Variants in CBLN2 observed in about 807,000 individuals in gnomAD.
CBLN2 encodes the protein cerebellin 2 precursor, also known as cerebellin-2.
Under a neutral mutation model 15.0 loss-of-function variants are expected in CBLN2, and 7 were observed. That is an observed-to-expected ratio of 0.47 (90% CI 0.27 to 0.88). The LOEUF (loss-of-function observed/expected upper bound fraction) is 0.88, where lower values mean the gene tolerates loss of function less well. Ranked by LOEUF, CBLN2 falls within the 40% of genes least tolerant of loss-of-function variation. The probability of loss-of-function intolerance (pLI) is 0.14; values close to 1 mark genes in which losing one functional copy is unlikely to be tolerated. For synonymous variants in CBLN2, 149 were observed against 135.2 expected, an observed-to-expected ratio of 1.10 and a Z score of -0.71; for missense variants, 242 against 304.5, an observed-to-expected ratio of 0.79 and a Z score of 1.53.
At chr18:72,553,058 T>C (rs1196934822) in intron 1 of CBLN2, among the ~76,000 whole-genome samples, 1 of 152,274 alleles carries the variant, frequency 6.6e-6, no homozygotes, top group Non-Finnish European at 1.5e-5. Flanking sequence ...TATGTGCATA[T>C]GTGAACTTTG....
At chr18:72,618,714 C>T in intron 1 of CBLN2, 2 of 723,086 alleles carry the variant, frequency 2.8e-6, no homozygotes, top group South Asian at 2.7e-5. Flanking sequence ...GCTTTGCCTT[C>T]ATAATCTTTG....
chr18:72,616,629 T>C (rs1270629530), intron 1 of CBLN2, among the ~76,000 whole-genome samples: 1 of 152,218 alleles, frequency 6.6e-6, no homozygotes, highest in African/African-American at 2.4e-5. Context: ...TGTGTGAGCA[T>C]GTGGCAATCT....
intron 1 of CBLN2, among the ~76,000 whole-genome samples, chr18:72,629,436 A>G (rs189493321): frequency 6.6e-6 from 1 of 152,200 alleles, no homozygotes; most frequent in Admixed American, 6.5e-5. Context: ...AAAACAAAGA[A>G]GATGAAAAAA....
chr18:72,599,239 G>T (rs1267506666), intron 1 of CBLN2, among the ~76,000 whole-genome samples: 1 of 152,082 alleles, frequency 6.6e-6, no homozygotes, highest in Non-Finnish European at 1.5e-5. Flanking sequence ...AATTTTTAAT[G>T]AAGTACATTC....
intron 1 of CBLN2, among the ~76,000 whole-genome samples, chr18:72,586,357 A>G (rs938037565): frequency 4.6e-5 from 7 of 152,202 alleles, no homozygotes; most frequent in Admixed American, 1.3e-4. Context: ...GGTGGAATAT[A>G]TAAGTTCTAT....
At chr18:72,538,536 C>A (rs1276316176) in intron 4 of CBLN2, 117 bp downstream of exon 4, 10 of 1,479,292 alleles carry the variant, frequency 6.8e-6, no homozygotes, top group Non-Finnish European at 9.3e-6. Context: ...AGCCACATCA[C>A]CCCCTGGACA....
At chr18:72,610,662 C>T (rs1436029610) in intron 1 of CBLN2, among the ~76,000 whole-genome samples, 1 of 152,274 alleles carries the variant, frequency 6.6e-6, no homozygotes, top group East Asian at 1.9e-4. Flanking sequence ...AGGAGCATCC[C>T]TCCTTTATAG....
At chr18:72,586,085 C>G (rs72634451) in intron 1 of CBLN2, among the ~76,000 whole-genome samples, 4 of 152,048 alleles carry the variant, frequency 2.6e-5, no homozygotes, top group Admixed American at 2.6e-4. Flanking sequence ...CCTGGGAGGG[C>G]GGGGCTCCCA....
intron 1 of CBLN2, among the ~76,000 whole-genome samples, chr18:72,590,734 G>A (rs974623538): frequency 1.3e-5 from 2 of 152,148 alleles, no homozygotes; most frequent in Non-Finnish European, 2.9e-5. Flanking sequence ...CCTATAGTGT[G>A]ATAATAAAAC....
At chr18:72,566,423 A>T (rs2069295492) in intron 1 of CBLN2, among the ~76,000 whole-genome samples, 1 of 152,222 alleles carries the variant, frequency 6.6e-6, no homozygotes, top group South Asian at 2.1e-4. Flanking sequence ...TTAAGTGTCC[A>T]TCAACAGATA....
chr18:72,618,798 G>C, intron 1 of CBLN2: 1 of 738,076 alleles, frequency 1.4e-6, no homozygotes, highest in South Asian at 1.3e-5. Context: ...GTAAAGTTAG[G>C]AAAGCCCTGT....
intron 1 of CBLN2, among the ~76,000 whole-genome samples, chr18:72,569,181 A>AC (rs1335617664): frequency 5.3e-5 from 8 of 152,192 alleles, no homozygotes; most frequent in Non-Finnish European, 1.0e-4. Context: ...CACTAGTGAT[A>AC]CCATTGACAT....
At chr18:72,623,047 A>C (rs1456303917) in intron 1 of CBLN2, among the ~76,000 whole-genome samples, 2 of 152,160 alleles carry the variant, frequency 1.3e-5, no homozygotes, top group Non-Finnish European at 2.9e-5. Flanking sequence ...GGAAACTTAC[A>C]GTCATGATCA....
chr18:72,614,547 T>A lies in CBLN2; in HGVS notation c.15+23778A>T, dbSNP rs535763745. ...TCCATTGGATTTGGTGGTTTGAGAA[T>A]TGCAGGTGTGATTTAAAAGTGCCAG... On this transcript the variant is annotated intron_variant, in intron 1 of 2. Transcript: ENST00000581073. Among the ~76,000 whole-genome samples, 11 of 152,298 alleles carry A rather than the reference T, an allele frequency of 7.2e-5. No individual in the cohort carries two copies. The South Asian group carries it at 1.2e-3, about 17-fold the overall frequency.
chr18:72,541,847 G>A lies in CBLN2; in HGVS notation c.314C>T (p.Pro105Leu). 1.9e-6 allele frequency: 3 copies of A among 1,592,894 alleles called. No homozygotes were observed. The highest frequency in any genetic ancestry group is 1.7e-6 in the Non-Finnish European group (2 of 1,171,672). The part of the protein sequence containing the change: ...FSATRSTNHE[P>L]SEMSNRTMTI... Reference sequence around the variant, plus strand: ...CATGGTGCGGTTGCTCATCTCGGACGGCTCGTGGTTGGTGCTCCGCGTGGC... The same window carrying A: ...CATGGTGCGGTTGCTCATCTCGGACAGCTCGTGGTTGGTGCTCCGCGTGGC... The change falls in exon 3 of 5, where the codon CCG (proline) becomes CTG (leucine). Residue 105 changes from proline to leucine, a missense_variant. Physicochemically the swap from Pro to Leu is moderately conservative, Grantham distance 98 (BLOSUM62 -3). This residue lies in a region of CBLN2 where 89 missense variants were observed against 114.2 expected (regional missense o/e 0.78). Coordinates refer to ENST00000269503, the MANE Select transcript of CBLN2 (RefSeq NM_182511.4).
intron 1 of CBLN2, among the ~76,000 whole-genome samples, chr18:72,573,285 G>C (rs1409134392): frequency 6.6e-6 from 1 of 152,144 alleles, no homozygotes. Flanking sequence ...TGGGGGGAAG[G>C]TAGACGTATC....
At chr18:72,635,042 TGA>T (rs982440413) in intron 1 of CBLN2, among the ~76,000 whole-genome samples, 3 of 152,200 alleles carry the variant, frequency 2.0e-5, no homozygotes, top group Non-Finnish European at 2.9e-5. Context: ...ATGGGTTGTC[TGA>T]GCAATGCCTT....
intron 3 of CBLN2, chr18:72,539,723 T>A (rs973289405): frequency 1.2e-4 from 19 of 152,162 alleles, no homozygotes; most frequent in Admixed American, 1.2e-3. Flanking sequence ...TTCTTTCAGA[T>A]GCTCAACACA....
At chr18:72,579,591 G>A (rs2069389627) in intron 1 of CBLN2, among the ~76,000 whole-genome samples, 1 of 152,016 alleles carries the variant, frequency 6.6e-6, no homozygotes, top group Non-Finnish European at 1.5e-5. Flanking sequence ...AATTAGTTGG[G>A]TGTGGCTGTT....
Sources: gnomAD v4.1 joint callset for allele counts (sites outside exome capture counted in the v4.1 genomes callset) on GRCh38, gnomAD v4.1.1 for gene constraint, gnomAD v4.1.1 regional missense constraint, MANE v1.5 for transcripts, NCBI Gene and HGNC (gene_info 2026-07-23, HGNC 2026-07-21) for gene names.